The following CCSER1 variants were observed in gnomAD, a reference collection of about 807,000 sequenced individuals.
CCSER1 encodes the protein coiled-coil serine rich protein 1, also known as serine-rich coiled-coil domain-containing protein 1.
In CCSER1, 41 loss-of-function variants were observed where a neutral mutation model predicts 82.0. The observed-to-expected ratio is 0.50, with a 90% confidence interval of 0.39 to 0.65. CCSER1 has a LOEUF of 0.65. Ranked by LOEUF, CCSER1 falls within the 30% of genes least tolerant of loss-of-function variation. CCSER1 has a pLI of 0.00. For missense variants in CCSER1, 1,119 were observed against 1,064.2 expected (o/e 1.05, Z -0.72); for synonymous variants, 414 against 383.9 (o/e 1.08, Z -0.92).
At chr4:90,709,209 A>G (rs1740010430) in intron 6 of CCSER1, among the ~76,000 whole-genome samples, 1 of 152,170 alleles carries the variant, frequency 6.6e-6, no homozygotes, top group Non-Finnish European at 1.5e-5. Flanking sequence ...CAAAGTTTAG[A>G]TAGAAATTAT....
rs558208116 is a variant in CCSER1 at position 91,092,938 on chromosome 4, G to A, written c.2217+6944G>A. Among the ~76,000 whole-genome samples, 51 of 152,198 alleles carry A rather than the reference G, an allele frequency of 3.4e-4. 2 individuals carry two copies. The South Asian group carries it at 0.01, about 30-fold the overall frequency. The stretch of plus-strand genomic sequence containing the variant: ...CAATGCATGACTGCCACCTTTTGGG[G>A]TTTCCATACTGCCTCTAATAATTGT... On this transcript the variant is annotated intron_variant, in intron 10 of 10. Coordinates refer to ENST00000509176, the MANE Select transcript of CCSER1 (RefSeq NM_001145065.2).
At chr4:91,129,268 A>C (rs2148905174) in intron 10 of CCSER1, among the ~76,000 whole-genome samples, 1 of 152,182 alleles carries the variant, frequency 6.6e-6, no homozygotes, top group East Asian at 1.9e-4. Flanking sequence ...ATAAATAAGA[A>C]AATATATGTT....
At chr4:91,296,983 A>T (rs912754217) in intron 10 of CCSER1, among the ~76,000 whole-genome samples, 1 of 151,864 alleles carries the variant, frequency 6.6e-6, no homozygotes, top group Non-Finnish European at 1.5e-5. Flanking sequence ...GGGTTAAAAA[A>T]AAACAGGACA....
At chr4:90,289,276 A>G (rs562971681) in intron 1 of CCSER1, among the ~76,000 whole-genome samples, 28 of 152,114 alleles carry the variant, frequency 1.8e-4, no homozygotes, top group African/African-American at 6.5e-4. Context: ...CTTAGAGCAT[A>G]TAACAGTCAG....
chr4:91,052,303 T>C (rs1743076266), intron 9 of CCSER1, among the ~76,000 whole-genome samples: 1 of 152,098 alleles, frequency 6.6e-6, no homozygotes, highest in African/African-American at 2.4e-5. Flanking sequence ...GATATCAGGA[T>C]AGAAATTTTA....
intron 5 of CCSER1, among the ~76,000 whole-genome samples, chr4:90,610,288 TAAATAAATAAATAAAATGTGATTTCAGTA>T (rs1408633628): frequency 6.6e-6 from 1 of 150,438 alleles, no homozygotes; most frequent in African/African-American, 2.4e-5. Flanking sequence ...AATAAATAAA[TAAATAAATAAATAAAATGTGATTTCAGTA>T]AGCTGTAATT....
intron 10 of CCSER1, among the ~76,000 whole-genome samples, chr4:91,233,411 G>C (rs546834302): frequency 1.3e-5 from 2 of 152,040 alleles, no homozygotes; most frequent in African/African-American, 4.8e-5. Flanking sequence ...TGGAATTCAA[G>C]AAGAGTCACT....
At chr4:90,183,863 A>C (rs1734134779) in intron 1 of CCSER1, among the ~76,000 whole-genome samples, 1 of 152,140 alleles carries the variant, frequency 6.6e-6, no homozygotes, top group Non-Finnish European at 1.5e-5. Flanking sequence ...TGTTAATTTG[A>C]GAAGTTTCAT....
intron 3 of CCSER1, among the ~76,000 whole-genome samples, chr4:90,384,233 T>A (rs1749662208): frequency 6.6e-6 from 1 of 151,882 alleles, no homozygotes; most frequent in Non-Finnish European, 1.5e-5. Context: ...GTTGGTGTGC[T>A]GCACCCATTA....
In CCSER1 at chr4:91,319,587, A is replaced by G; in HGVS notation, c.2217+233593A>G. 4 of 446,574 alleles carry G rather than the reference A, an allele frequency of 9.0e-6. 1 individual carries two copies. Among genetic ancestry groups the G allele is most frequent in the South Asian group, 3.2e-5 (2 of 62,924 alleles). The allele number at this position is 446,574 out of a possible 1,614,324, so 27.7% of individuals were successfully genotyped here. ...AAAGAAGTAAAGAATAAGTGTCACAAAGAAGCAATAGTTGGTGCAGAATTG... is the reference window on the plus strand; with the variant it reads ...AAAGAAGTAAAGAATAAGTGTCACAGAGAAGCAATAGTTGGTGCAGAATTG... On this transcript the variant is annotated intron_variant, in intron 10 of 10. Transcript: ENST00000509176.
Position 91,160,320 on chromosome 4 carries a change from A to G in CCSER1, c.2217+74326A>G, listed in dbSNP as rs542557178. Among the ~76,000 whole-genome samples, 6 of 152,220 alleles carry G rather than the reference A, an allele frequency of 3.9e-5. No homozygotes were observed. The South Asian group carries it at 6.2e-4, about 16-fold the overall frequency. The stretch of plus-strand genomic sequence containing the variant: ...TTGATGGACATTTCAGTTGGTTCCA[A>G]GTTTTTGCTATTGTGAATAGTGCCA... On this transcript the variant is annotated intron_variant, in intron 10 of 10. Coordinates refer to ENST00000509176, the MANE Select transcript of CCSER1 (RefSeq NM_001145065.2).
intron 10 of CCSER1, among the ~76,000 whole-genome samples, chr4:91,240,064 T>C (rs1581826063): frequency 1.8e-5 from 1 of 56,896 alleles, no homozygotes; most frequent in Non-Finnish European, 3.2e-5. Context: ...AAATCTCTAC[T>C]CATAAAATAC....
At chr4:90,247,819 T>G (rs1721710991) in intron 1 of CCSER1, among the ~76,000 whole-genome samples, 1 of 152,054 alleles carries the variant, frequency 6.6e-6, no homozygotes, top group Non-Finnish European at 1.5e-5. Context: ...TCCTTTGCAC[T>G]TCTTTTATTT....
At chr4:90,532,652 A>G (rs1264015801) in intron 5 of CCSER1, among the ~76,000 whole-genome samples, 1 of 152,182 alleles carries the variant, frequency 6.6e-6, no homozygotes, top group Non-Finnish European at 1.5e-5. Context: ...TGAGGTTTCT[A>G]GATATGTTAT....
At chr4:91,574,033 C>A (rs1560774115) in intron 10 of CCSER1, among the ~76,000 whole-genome samples, 2 of 151,936 alleles carry the variant, frequency 1.3e-5, no homozygotes, top group Admixed American at 6.6e-5. Context: ...GGAACAATAT[C>A]TATTGTTCCA....
chr4:91,007,168 C>T (rs954357638), intron 9 of CCSER1, among the ~76,000 whole-genome samples: 18 of 152,046 alleles, frequency 1.2e-4, no homozygotes, highest in African/African-American at 4.3e-4. Context: ...TGACTTTTTA[C>T]TGTGCTATTT....
chr4:90,208,236 AGTGGTTTT>A (rs1288461535), intron 1 of CCSER1, among the ~76,000 whole-genome samples: 1 of 152,168 alleles, frequency 6.6e-6, no homozygotes, highest in Admixed American at 6.5e-5. Flanking sequence ...GTCTGGCTAC[AGTGGTTTT>A]GTGGCGCTGC....
chr4:91,177,204 T>C (rs1733483165), intron 10 of CCSER1, among the ~76,000 whole-genome samples: 2 of 152,232 alleles, frequency 1.3e-5, no homozygotes, highest in Non-Finnish European at 1.5e-5. Flanking sequence ...TTTGATGTGC[T>C]GCTGGATTCG....
intron 10 of CCSER1, among the ~76,000 whole-genome samples, chr4:91,185,283 T>C (rs1191604934): frequency 6.6e-6 from 1 of 152,248 alleles, no homozygotes; most frequent in Non-Finnish European, 1.5e-5. Flanking sequence ...TGCCATGTGC[T>C]CTCCTGGCTC....
Sources: gnomAD v4.1 joint callset for allele counts (sites outside exome capture counted in the v4.1 genomes callset) on GRCh38, gnomAD v4.1.1 for gene constraint, MANE v1.5 for transcripts, NCBI Gene and HGNC (gene_info 2026-07-23, HGNC 2026-07-21) for gene names.